NRXN3: variants seen among roughly 807,000 people sequenced by gnomAD.
NRXN3 encodes neurexin III.
Under a neutral mutation model 137.6 loss-of-function variants are expected in NRXN3, and 32 were observed. The ratio of observed to expected loss-of-function variants is 0.23; its 90% CI spans 0.18 to 0.31. NRXN3 has a LOEUF of 0.31. Among genes scored for constraint, NRXN3 ranks in the 10% least tolerant of loss-of-function variants. The pLI, the probability that NRXN3 is intolerant of heterozygous loss-of-function variation, is 1.00. For synonymous variants in NRXN3, 798 were observed against 784.5 expected (o/e 1.02, Z -0.29); for missense variants, 1,574 against 2,062.5 (o/e 0.76, Z 4.59).
intron 11 of NRXN3, among the ~76,000 whole-genome samples, chr14:78,960,735 C>T (rs531386400): frequency 6.6e-6 from 1 of 152,154 alleles, no homozygotes; most frequent in Non-Finnish European, 1.5e-5. Context: ...CAAAAACTTG[C>T]CCTTGCTAGT....
intron 15 of NRXN3, among the ~76,000 whole-genome samples, chr14:79,347,031 AG>A: frequency 6.6e-6 from 1 of 152,144 alleles, no homozygotes; most frequent in East Asian, 1.9e-4. Flanking sequence ...GAACATTTTG[AG>A]GCATTACGTG....
intron 8 of NRXN3, among the ~76,000 whole-genome samples, chr14:78,779,349 G>C (rs775316880): frequency 1.3e-5 from 2 of 152,050 alleles, no homozygotes; most frequent in Non-Finnish European, 2.9e-5. Context: ...AACAAGCTTA[G>C]ATTGGAGTAG....
chr14:79,203,880 C>T (rs970526575), intron 15 of NRXN3, among the ~76,000 whole-genome samples: 1 of 152,098 alleles, frequency 6.6e-6, no homozygotes, highest in African/African-American at 2.4e-5. Context: ...GGAGTGTTGG[C>T]AAATGTTTAC....
intron 4 of NRXN3, among the ~76,000 whole-genome samples, chr14:78,431,164 C>T (rs2093862844): frequency 6.6e-6 from 1 of 152,132 alleles, no homozygotes; most frequent in Non-Finnish European, 1.5e-5. Flanking sequence ...GTGTATTTCC[C>T]CTAGGTGTGG....
At chr14:79,828,728 C>T (rs1325751281) in intron 20 of NRXN3, among the ~76,000 whole-genome samples, 1 of 148,302 alleles carries the variant, frequency 6.7e-6, no homozygotes, top group Non-Finnish European at 1.5e-5. Context: ...GTCATGGGAG[C>T]CATTTCCAGG....
chr14:79,193,284 C>G (rs1313796241), intron 15 of NRXN3, among the ~76,000 whole-genome samples: 1 of 152,050 alleles, frequency 6.6e-6, no homozygotes, highest in African/African-American at 2.4e-5. Flanking sequence ...GGATTTTACC[C>G]TCTGGATCTG....
At chr14:79,736,923 A>G (rs1170399865) in intron 19 of NRXN3, among the ~76,000 whole-genome samples, 1 of 152,178 alleles carries the variant, frequency 6.6e-6, no homozygotes, top group East Asian at 1.9e-4. Flanking sequence ...AACTTAATCT[A>G]CTGGAAGTCA....
chr14:78,284,287 C>T (rs1459396339), intron 3 of NRXN3, among the ~76,000 whole-genome samples: 1 of 152,304 alleles, frequency 6.6e-6, no homozygotes, highest in African/African-American at 2.4e-5. Context: ...CATCTCTCAC[C>T]TTTCTGTGAC....
intron 4 of NRXN3, among the ~76,000 whole-genome samples, chr14:78,405,997 C>G (rs1598322005): frequency 1.3e-5 from 2 of 152,236 alleles, no homozygotes; most frequent in South Asian, 4.2e-4. Flanking sequence ...CCATGCCTAA[C>G]ATTGCAGGTA....
At chr14:79,479,841 C>T (rs1379881949) in intron 16 of NRXN3, among the ~76,000 whole-genome samples, 1 of 152,048 alleles carries the variant, frequency 6.6e-6, no homozygotes, top group Non-Finnish European at 1.5e-5. Flanking sequence ...GTTTTGAATG[C>T]AGTGCGGTAG....
chr14:79,523,370 A>G (rs1250917131), intron 16 of NRXN3, among the ~76,000 whole-genome samples: 1 of 152,178 alleles, frequency 6.6e-6, no homozygotes, highest in East Asian at 1.9e-4. Context: ...TGATTTTGCC[A>G]TGTTTATATA....
intron 2 of NRXN3, among the ~76,000 whole-genome samples, chr14:78,278,359 C>T (rs1172616228): frequency 6.6e-6 from 1 of 152,140 alleles, no homozygotes; most frequent in Non-Finnish European, 1.5e-5. Flanking sequence ...CTCTTTGAAG[C>T]CCTATCTGAT....
rs929640800 is a variant in NRXN3 at position 78,960,416 on chromosome 14, C to T, written c.2395+3055C>T. Among the ~76,000 whole-genome samples the T allele has an allele frequency of 2.6e-5, 4 of 152,104 alleles. No homozygotes were observed. The East Asian group carries it at 7.7e-4, about 29-fold the overall frequency. On this transcript the variant is annotated intron_variant, in intron 11 of 20. Transcript: ENST00000335750. Reference sequence around the variant, plus strand: ...CTTATTTAGTAATCCCTTTAATGTTCTTTAAGGCCCCCCTAGTGTGTCCAA... The same window carrying T: ...CTTATTTAGTAATCCCTTTAATGTTTTTTAAGGCCCCCCTAGTGTGTCCAA...
At chr14:79,049,752 A>G (rs145124484) in intron 15 of NRXN3, among the ~76,000 whole-genome samples, 133 of 152,302 alleles carry the variant, frequency 8.7e-4, no homozygotes, top group African/African-American at 3.1e-3. Context: ...TAAAAAATAC[A>G]ATATATATAA....
chr14:79,655,549 A>G (rs2098501543), intron 16 of NRXN3, among the ~76,000 whole-genome samples: 1 of 152,212 alleles, frequency 6.6e-6, no homozygotes, highest in Admixed American at 6.5e-5. Context: ...ACATTAGACT[A>G]TGCATGTAAA....
At chr14:78,803,888 A>G in intron 9 of NRXN3, 65 bp downstream of exon 9, 2 of 1,410,212 alleles carry the variant, frequency 1.4e-6, no homozygotes, top group East Asian at 2.3e-5. Context: ...TCTGATTTTC[A>G]TTGGTTTGAT....
At chr14:79,284,591 G>A (rs977441528) in intron 15 of NRXN3, among the ~76,000 whole-genome samples, 2 of 151,754 alleles carry the variant, frequency 1.3e-5, no homozygotes, top group African/African-American at 2.4e-5. Flanking sequence ...AACACACCAC[G>A]CTATATTTGC....
intron 16 of NRXN3, among the ~76,000 whole-genome samples, chr14:79,626,435 A>C (rs2098282260): frequency 7.3e-6 from 1 of 137,646 alleles, no homozygotes. Flanking sequence ...CACTGAAATA[A>C]CCCTCATTGT....
intron 15 of NRXN3, among the ~76,000 whole-genome samples, chr14:79,016,594 A>G (rs1406399528): frequency 1.3e-4 from 20 of 152,180 alleles, no homozygotes; most frequent in Admixed American, 1.3e-3. Context: ...CACTAAATCA[A>G]TAGCTACAAG....
Sources: gnomAD v4.1 joint callset for allele counts (sites outside exome capture counted in the v4.1 genomes callset) on GRCh38, gnomAD v4.1.1 for gene constraint, MANE v1.5 for transcripts, NCBI Gene and HGNC (gene_info 2026-07-23, HGNC 2026-07-21) for gene names.